Variants in ANKFN1 observed in about 807,000 individuals in gnomAD.
ANKFN1 encodes ankyrin repeat and fibronectin type III domain containing 1.
Under a neutral mutation model 108.7 loss-of-function variants are expected in ANKFN1, and 74 were observed. The observed-to-expected ratio is 0.68, with a 90% CI of 0.56 to 0.83. The LOEUF (loss-of-function observed/expected upper bound fraction) is 0.83. ANKFN1 is among the 40% of genes least tolerant of loss of function. The pLI is 0.00. For synonymous variants in ANKFN1, 547 were observed against 516.2 expected (o/e 1.06, Z -0.81); for missense variants, 1,505 against 1,382.3 (o/e 1.09, Z -1.41).
At chr17:56,436,685 C>G (rs1010185504) in intron 8 of ANKFN1, among the ~76,000 whole-genome samples, 1 of 151,922 alleles carries the variant, frequency 6.6e-6, no homozygotes, top group Non-Finnish European at 1.5e-5. Flanking sequence ...AAAAAATTAG[C>G]CAGGTGTGGT....
At chr17:56,138,042 C>G (rs1220464491) in intron 4 of ANKFN1, among the ~76,000 whole-genome samples, 2 of 152,154 alleles carry the variant, frequency 1.3e-5, no homozygotes, top group Non-Finnish European at 2.9e-5. Flanking sequence ...GTAAAAGATA[C>G]AGTACGGATT....
At chr17:56,140,226 C>A (rs185655318) in intron 4 of ANKFN1, among the ~76,000 whole-genome samples, 10 of 152,282 alleles carry the variant, frequency 6.6e-5, no homozygotes, top group Admixed American at 5.9e-4. Flanking sequence ...CTTTCCATAA[C>A]CTTTTTTTTC....
chr17:56,056,263 A>T (rs72827471), intron 4 of ANKFN1, among the ~76,000 whole-genome samples: 3,796 of 152,000 alleles, frequency 0.025, 60 homozygotes, highest in Non-Finnish European at 0.035. Context: ...TACTCTACAG[A>T]TTAACACAAT....
At chr17:56,160,303 A>C (rs925891571) in intron 1 of ANKFN1, among the ~76,000 whole-genome samples, 1 of 152,252 alleles carries the variant, frequency 6.6e-6, no homozygotes, top group African/African-American at 2.4e-5. Context: ...GAGAAAGGTA[A>C]ATGATAAAAA....
chr17:56,136,738 T>C (rs963444357), intron 4 of ANKFN1, among the ~76,000 whole-genome samples: 3 of 152,208 alleles, frequency 2.0e-5, no homozygotes, highest in East Asian at 1.9e-4. Flanking sequence ...GATTCAAAGA[T>C]ATATGCAACC....
chr17:56,506,767 T>C (rs527319567), intron 20 of ANKFN1, among the ~76,000 whole-genome samples: 2 of 152,040 alleles, frequency 1.3e-5, no homozygotes, highest in South Asian at 2.1e-4. Context: ...CCTCAGGAAG[T>C]TTCCACAGAG....
chr17:56,121,937 G>A (rs978457005), intron 4 of ANKFN1, among the ~76,000 whole-genome samples: 5 of 152,154 alleles, frequency 3.3e-5, no homozygotes, highest in African/African-American at 1.2e-4. Context: ...TGGGGTTTTA[G>A]GGTAGCAGGG....
intron 1 of ANKFN1, among the ~76,000 whole-genome samples, chr17:56,212,183 G>A (rs1435426069): frequency 1.5e-5 from 2 of 132,462 alleles, no homozygotes; most frequent in East Asian, 2.7e-4. Flanking sequence ...GTTTGTCATA[G>A]AAGGCTTTTA....
chr17:56,340,517 C>G (rs1365204187), intron 4 of ANKFN1, among the ~76,000 whole-genome samples: 2 of 152,068 alleles, frequency 1.3e-5, no homozygotes, highest in Non-Finnish European at 2.9e-5. Context: ...TTTCAGTCTT[C>G]TGCTTATGCC....
At chr17:56,341,538 C>G (rs1310433283) in intron 4 of ANKFN1, among the ~76,000 whole-genome samples, 1 of 150,472 alleles carries the variant, frequency 6.6e-6, no homozygotes, top group African/African-American at 2.4e-5. Context: ...TTATCAGAAA[C>G]CTTTTTTTCA....
intron 6 of ANKFN1, among the ~76,000 whole-genome samples, chr17:56,355,332 G>A (rs55913835): frequency 0.06 from 9,188 of 152,148 alleles, 901 homozygotes; most frequent in African/African-American, 0.21. Flanking sequence ...ATGAAGGAAT[G>A]AACTATGAGA....
At chr17:56,299,264 G>T (rs2044604956) in intron 3 of ANKFN1, among the ~76,000 whole-genome samples, 1 of 152,126 alleles carries the variant, frequency 6.6e-6, no homozygotes, top group Non-Finnish European at 1.5e-5. Flanking sequence ...GCTGCATGTG[G>T]TGAGGTCTCC....
chr17:56,327,530 C>G (rs1348955456), intron 4 of ANKFN1, among the ~76,000 whole-genome samples: 2 of 152,070 alleles, frequency 1.3e-5, no homozygotes, highest in African/African-American at 4.8e-5. Context: ...TGAAGTTTTG[C>G]CTGGTGGAAA....
intron 2 of ANKFN1, among the ~76,000 whole-genome samples, chr17:56,222,131 T>C (rs1915935368): frequency 6.6e-6 from 1 of 152,132 alleles, no homozygotes; most frequent in Non-Finnish European, 1.5e-5. Context: ...GTTTTAGATG[T>C]ATGGCTGAGG....
intron 8 of ANKFN1, among the ~76,000 whole-genome samples, chr17:56,422,722 A>G (rs2048450385): frequency 1.3e-5 from 2 of 152,216 alleles, no homozygotes; most frequent in Admixed American, 6.5e-5. Context: ...TATTGTGGTG[A>G]CCATTACAAT....
intron 3 of ANKFN1, among the ~76,000 whole-genome samples, chr17:56,284,341 T>C (rs2044162873): frequency 6.6e-6 from 1 of 152,320 alleles, no homozygotes; most frequent in Admixed American, 6.5e-5. Context: ...AAATTTCCAA[T>C]TGTAACTCAC....
At chr17:56,184,584 T>G (rs1279165166) in intron 1 of ANKFN1, among the ~76,000 whole-genome samples, 1 of 152,188 alleles carries the variant, frequency 6.6e-6, no homozygotes, top group Non-Finnish European at 1.5e-5. Flanking sequence ...ATGCAGATGA[T>G]ATTAACTTTG....
At chr17:56,155,914 T>C (rs1349886757) in intron 1 of ANKFN1, among the ~76,000 whole-genome samples, 1 of 152,112 alleles carries the variant, frequency 6.6e-6, no homozygotes, top group South Asian at 2.1e-4. Flanking sequence ...GTGAAGGGCT[T>C]GGAAACTAAG....
intron 4 of ANKFN1, among the ~76,000 whole-genome samples, chr17:56,116,214 G>C (rs886677350): frequency 2.6e-5 from 4 of 152,024 alleles, no homozygotes; most frequent in African/African-American, 9.7e-5. Flanking sequence ...TCCTCAACTA[G>C]ACATACAATC....
Sources: allele counts gnomAD v4.1 joint callset (sites outside exome capture counted in the v4.1 genomes callset), GRCh38; gene constraint gnomAD v4.1.1; transcripts MANE v1.5; gene names NCBI Gene and HGNC (gene_info 2026-07-23, HGNC 2026-07-21).